The following MCF2L variants were observed in gnomAD, a reference collection of about 807,000 sequenced individuals.
MCF2L encodes the protein MCF.2 cell line derived transforming sequence like.
A neutral mutation model predicts 153.4 loss-of-function variants in MCF2L; 97 were observed. The ratio of observed to expected loss-of-function variants is 0.63; its 90% CI spans 0.54 to 0.75. The LOEUF is 0.75. MCF2L is among the 30% of genes least tolerant of loss of function. MCF2L has a pLI of 0.00. For synonymous variants in MCF2L, 659 were observed against 632.2 expected (o/e 1.04, Z -0.64); for missense variants, 1,347 against 1,495.2 (o/e 0.90, Z 1.64).
At chr13:113,073,434 A>G (rs1306867253) in intron 9 of MCF2L, among the ~76,000 whole-genome samples, 1 of 152,178 alleles carries the variant, frequency 6.6e-6, no homozygotes, top group African/African-American at 2.4e-5. Context: ...AGTCTCACTC[A>G]TCAGCTGTGC....
intron 17 of MCF2L, among the ~76,000 whole-genome samples, chr13:113,083,735 G>T (rs1218851880): frequency 6.6e-6 from 1 of 152,210 alleles, no homozygotes; most frequent in African/African-American, 2.4e-5. Context: ...AGCCGTGTGT[G>T]TGCTGAGGGA....
At chr13:113,030,514 C>T (rs1395262124) in intron 3 of MCF2L, among the ~76,000 whole-genome samples, 4 of 145,464 alleles carry the variant, frequency 2.7e-5, no homozygotes, top group South Asian at 2.2e-4. Flanking sequence ...CTCAGGTGTC[C>T]GCTGATGCAG....
rs146804800 is a variant in MCF2L, at chr13:113,028,536, C to T, written c.278+3778C>T. Among the ~76,000 whole-genome samples, 335 of 152,288 alleles carry T rather than the reference C, an allele frequency of 2.2e-3. No homozygotes were observed. Among genetic ancestry groups the T allele is most frequent in the African/African-American group, 7.8e-3 (324 of 41,558 alleles). The stretch of plus-strand genomic sequence containing the variant: ...ACAGCCTGGTCTGGCTGAAGGTGGC[C>T]GGAGCGCAGGCCCAGTCCCCGCTGT... On this transcript the variant is annotated intron_variant, in intron 3 of 29. Coordinates refer to ENST00000535094, the MANE Select transcript of MCF2L (RefSeq NM_001112732.3). This position sits in a 1 kb window ranked among gnomAD's most constrained non-coding sequence, Gnocchi z 5.4.
chr13:112,895,936 C>T (rs2081063482), intron 1 of MCF2L, among the ~76,000 whole-genome samples: 1 of 152,230 alleles, frequency 6.6e-6, no homozygotes, highest in Admixed American at 6.5e-5. Flanking sequence ...ATTGGGTATC[C>T]CCAAGAACCC....
intron 1 of MCF2L, among the ~76,000 whole-genome samples, chr13:112,996,739 T>C (rs1282698051): frequency 6.6e-6 from 1 of 152,180 alleles, no homozygotes; most frequent in Non-Finnish European, 1.5e-5. Context: ...AGGCTCCTGG[T>C]GAGCCCTGTG....
At position 113,028,930 on chromosome 13, in the gene MCF2L, G is replaced by T. The variant is rs190448969; in HGVS notation, c.278+4172G>T. 1.9e-4 allele frequency among the ~76,000 whole-genome samples: 29 copies of T among 151,330 alleles called. No individual in the cohort carries two copies. In the South Asian group the frequency reaches 3.4e-3, roughly 18 times the overall value. ...GCATGTGGCATGTGTGGGGTAAGTG[G>T]TGTGTGTGGTATGTGTGGACTATGT... On this transcript the variant is annotated intron_variant, in intron 3 of 29. Transcript: ENST00000535094. This position sits in a 1 kb window ranked among gnomAD's most constrained non-coding sequence, Gnocchi z 5.4.
intron 3 of MCF2L, chr13:113,026,845 G>A: frequency 1.4e-6 from 1 of 690,458 alleles, no homozygotes; most frequent in Non-Finnish European, 2.7e-6. Context: ...AAAAGGTAGG[G>A]AGCCCAGTTC....
chr13:112,916,395 C>A (rs1336507279), intron 2 of MCF2L, among the ~76,000 whole-genome samples: 1 of 152,202 alleles, frequency 6.6e-6, no homozygotes, highest in African/African-American at 2.4e-5. Flanking sequence ...TTGTCCTTTT[C>A]TTTAGAAAAT....
intron 2 of MCF2L, among the ~76,000 whole-genome samples, chr13:112,947,269 C>T (rs2081647292): frequency 1.3e-5 from 2 of 152,186 alleles, no homozygotes; most frequent in South Asian, 4.1e-4. Flanking sequence ...CAAACCATAG[C>T]ATTCCACCCC....
In MCF2L at chr13:112,951,094, A is replaced by C. The variant is rs903077428; in HGVS notation, c.169+48723A>C. Among the ~76,000 whole-genome samples the C allele has an allele frequency of 1.3e-5, 2 of 152,260 alleles. No individual in the cohort carries two copies. Among genetic ancestry groups the C allele is most frequent in the African/African-American group, 4.8e-5 (2 of 41,476 alleles). On this transcript the variant is annotated intron_variant, in intron 2 of 29. Coordinates refer to the MCF2L transcript ENST00000375608. This position sits in a 1 kb window ranked among gnomAD's most constrained non-coding sequence, Gnocchi z 4.8. ...CCACCAAAGATGCCACAGTGAGGGCAGAAGAGCACACGGAAAGGTGTCAGT... is the reference window on the plus strand; with the variant it reads ...CCACCAAAGATGCCACAGTGAGGGCCGAAGAGCACACGGAAAGGTGTCAGT...
At chr13:113,010,608 C>G (rs2141146167) in intron 1 of MCF2L, among the ~76,000 whole-genome samples, 1 of 152,328 alleles carries the variant, frequency 6.6e-6, no homozygotes, top group Non-Finnish European at 1.5e-5. Flanking sequence ...GCAGGCCTGG[C>G]CACCCCCTCG....
At chr13:113,023,375 C>T (rs991829543) in intron 2 of MCF2L, among the ~76,000 whole-genome samples, 5 of 152,190 alleles carry the variant, frequency 3.3e-5, no homozygotes, top group Admixed American at 6.5e-5. Context: ...CAGGGAGCCT[C>T]GGGGGCCCAG....
In MCF2L at chr13:113,078,617, C is replaced by T. The variant is rs768409422; in HGVS notation, c.1735-49C>T. The T allele has an allele frequency of 3.9e-6, 6 of 1,554,786 alleles. No homozygotes were observed. The Admixed American group carries it at 7.0e-5, about 18-fold the overall frequency. ...TGGGCTCTGGCCTTGAGAGTTGGCC[C>T]TTGAGGTTCCGTCCCGCCTTTCAGA... On this transcript the variant is annotated intron_variant, in intron 14 of 29. Coordinates refer to ENST00000535094, the MANE Select transcript of MCF2L (RefSeq NM_001112732.3).
intron 3 of MCF2L, among the ~76,000 whole-genome samples, chr13:113,025,603 T>A (rs186225643): frequency 8.6e-6 from 1 of 115,714 alleles, no homozygotes; most frequent in African/African-American, 3.2e-5. Flanking sequence ...TGACTGTGGG[T>A]CGGGGCAGAG....
chr13:113,012,393 T>C, intron 1 of MCF2L, among the ~76,000 whole-genome samples: 1 of 97,766 alleles, frequency 1.0e-5, no homozygotes, highest in African/African-American at 3.7e-5. Context: ...GTGTGGACGG[T>C]GGACACTGTG....
intron 2 of MCF2L, among the ~76,000 whole-genome samples, chr13:112,934,555 ATGCTGCTGC>A (rs61222550): frequency 1.1e-4 from 16 of 147,470 alleles, no homozygotes; most frequent in African/African-American, 3.0e-4. Flanking sequence ...TTTCCAGGGG[ATGCTGCTGC>A]TGCTGCTGCT....
At chr13:112,930,716 C>T (rs1005603464) in intron 2 of MCF2L, among the ~76,000 whole-genome samples, 1 of 152,164 alleles carries the variant, frequency 6.6e-6, no homozygotes, top group Non-Finnish European at 1.5e-5. Context: ...GAGGGCAGAT[C>T]ACTTGAGGTC....
intron 1 of MCF2L, among the ~76,000 whole-genome samples, chr13:112,992,980 C>T (rs1466353621): frequency 2.6e-5 from 4 of 152,224 alleles, no homozygotes; most frequent in African/African-American, 7.2e-5. Context: ...AGTGGCAGCC[C>T]CGGCTCAGTC....
At chr13:113,093,862 CTGGGT>C (rs1408996041) in intron 26 of MCF2L, 1 of 152,410 alleles carries the variant, frequency 6.6e-6, no homozygotes, top group Admixed American at 6.5e-5. Context: ...AGGAGGAACA[CTGGGT>C]TGGGGAGGGG....
Sources: allele counts gnomAD v4.1 joint callset (sites outside exome capture counted in the v4.1 genomes callset), GRCh38; gene constraint gnomAD v4.1.1; non-coding constraint Gnocchi (gnomAD v3.1); transcripts MANE v1.5; gene names NCBI Gene and HGNC (gene_info 2026-07-23, HGNC 2026-07-21).